The following SCAI variants were observed in gnomAD, a reference collection of about 807,000 sequenced individuals.
SCAI encodes the protein suppressor of cancer cell invasion.
A neutral mutation model predicts 92.2 loss-of-function variants in SCAI; 24 were observed. That is an observed-to-expected ratio of 0.26 (90% CI 0.19 to 0.37). The LOEUF is 0.37. Among genes scored for constraint, SCAI ranks in the 10% least tolerant of loss-of-function variants. The pLI, the probability that SCAI is intolerant of heterozygous loss-of-function variation, is 1.00. For missense variants in SCAI, 450 were observed against 736.2 expected (o/e 0.61, Z 4.50); for synonymous variants, 261 against 258.6 (o/e 1.01, Z -0.09).
At chr9:125,002,821 A>C (rs577854013) in intron 11 of SCAI, among the ~76,000 whole-genome samples, 23 of 152,104 alleles carry the variant, frequency 1.5e-4, no homozygotes, top group African/African-American at 3.9e-4. Context: ...TTGAGTAATA[A>C]AAAACTGGAG....
At position 124,944,463 on chromosome 9, in the gene SCAI, CTAA is replaced by C. The variant is rs1369788319; in HGVS notation, c.*8341_*8343del. Reference sequence around the variant, plus strand: ...TACAGGCGCACACCACCATGCCTGGCTAATTTTTTTTTTTTTTTTTTTTTTTTT... The same window carrying C: ...TACAGGCGCACACCACCATGCCTGGCTTTTTTTTTTTTTTTTTTTTTTTTT... On this transcript the variant is annotated 3_prime_UTR_variant, in exon 18 of 18. Coordinates refer to ENST00000336505, the MANE Select transcript of SCAI (RefSeq NM_001144877.3). 1 of 112,160 alleles carries C rather than the reference CTAA, an allele frequency of 8.9e-6. No homozygotes were observed. Among genetic ancestry groups the C allele is most frequent in the Admixed American group, 1.0e-4 (1 of 9,616 alleles). 6.9% of individuals were successfully genotyped at this position (112,160 alleles called of 1,614,324 possible). A position where few individuals can be genotyped will look rare whatever the true frequency, so the allele number is the denominator to read the frequency against.
chr9:125,100,864 G>A lies in SCAI; in HGVS notation c.98+41769C>T, dbSNP rs543196439. 4.6e-5 allele frequency among the ~76,000 whole-genome samples: 7 copies of A among 152,290 alleles called. No homozygotes were observed. The South Asian group carries it at 8.3e-4, about 18-fold the overall frequency. Reference sequence around the variant, plus strand: ...AGAAAATTATTCTAGGCAGAGAAAAGAGCAAGTGCACAGGCCCCGAGTTAG... The same window carrying A: ...AGAAAATTATTCTAGGCAGAGAAAAAAGCAAGTGCACAGGCCCCGAGTTAG... On this transcript the variant is annotated intron_variant, in intron 2 of 17. Coordinates refer to ENST00000336505, the MANE Select transcript of SCAI (RefSeq NM_001144877.3).
At chr9:125,118,286 G>A (rs911585523) in intron 2 of SCAI, among the ~76,000 whole-genome samples, 1 of 152,082 alleles carries the variant, frequency 6.6e-6, no homozygotes, top group African/African-American at 2.4e-5. Context: ...GGCCAGCACA[G>A]GAGGATCATT....
At chr9:125,004,755 ATATATATATATATATATATATATATTTTT>A (rs1353909145) in intron 9 of SCAI, among the ~76,000 whole-genome samples, 557 of 8,538 alleles carry the variant, frequency 0.065, 31 homozygotes, top group Admixed American at 0.31. Flanking sequence ...ATATATATAT[ATATATATATATATATATATATATATTTTT>A]TTTTTTTTTT....
intron 17 of SCAI, chr9:124,968,661 G>C (rs1264882258): frequency 8.3e-7 from 1 of 1,198,950 alleles, no homozygotes; most frequent in African/African-American, 1.5e-5. Context: ...CTCATCTACA[G>C]AGCCTGGGTG....
At chr9:125,054,329 T>G (rs1019682596) in intron 3 of SCAI, among the ~76,000 whole-genome samples, 1 of 152,206 alleles carries the variant, frequency 6.6e-6, no homozygotes, top group Non-Finnish European at 1.5e-5. Context: ...TGTGTTCCTA[T>G]CTGTGAAATA....
At chr9:125,133,461 T>TAAG (rs921581235) in intron 2 of SCAI, among the ~76,000 whole-genome samples, 1 of 152,202 alleles carries the variant, frequency 6.6e-6, no homozygotes, top group Non-Finnish European at 1.5e-5. Flanking sequence ...TACAACTATG[T>TAAG]AAGAAGACAA....
At chr9:124,974,085 C>A (rs1007767669) in intron 15 of SCAI, 1 of 272,946 alleles carries the variant, frequency 3.7e-6, no homozygotes, top group African/African-American at 2.3e-5. Flanking sequence ...CCATCAGGCT[C>A]TGTCTATCTG....
At chr9:125,019,041 A>G in intron 8 of SCAI, 66 bp downstream of exon 8, 9 of 1,525,240 alleles carry the variant, frequency 5.9e-6, no homozygotes, top group Non-Finnish European at 8.1e-6. Context: ...TATACACACA[A>G]TAAAAACATA....
intron 17 of SCAI, chr9:124,971,164 A>G (rs992905571): frequency 1.1e-4 from 37 of 336,008 alleles, no homozygotes; most frequent in Admixed American, 4.6e-5. Flanking sequence ...ATGTGCCTTA[A>G]TATTGTTAAT....
intron 2 of SCAI, among the ~76,000 whole-genome samples, chr9:125,081,943 G>A (rs577032913): frequency 6.6e-6 from 1 of 152,318 alleles, no homozygotes; most frequent in South Asian, 2.1e-4. Context: ...GTGACAGAGA[G>A]GAGAAACCCA....
chr9:125,055,396 C>A (rs1296100400), intron 3 of SCAI, among the ~76,000 whole-genome samples: 1 of 152,012 alleles, frequency 6.6e-6, no homozygotes, highest in Non-Finnish European at 1.5e-5. Flanking sequence ...TTCCACCCAC[C>A]CCCCACCATC....
At chr9:125,116,557 A>G (rs1276394521) in intron 2 of SCAI, among the ~76,000 whole-genome samples, 1 of 152,168 alleles carries the variant, frequency 6.6e-6, no homozygotes, top group Admixed American at 6.5e-5. Context: ...ATTTTTTATT[A>G]CAAGTAAAAT....
At chr9:125,006,097 C>A (rs1181058227) in intron 9 of SCAI, among the ~76,000 whole-genome samples, 2 of 152,154 alleles carry the variant, frequency 1.3e-5, no homozygotes, top group Non-Finnish European at 2.9e-5. Context: ...CAATTCAGGT[C>A]TTACAGAATT....
intron 17 of SCAI, among the ~76,000 whole-genome samples, chr9:124,960,120 T>A (rs958768055): frequency 6.6e-6 from 1 of 152,150 alleles, no homozygotes; most frequent in African/African-American, 2.4e-5. Context: ...CAATTTCTTA[T>A]AAAACTAAAC....
intron 3 of SCAI, among the ~76,000 whole-genome samples, chr9:125,047,561 G>A (rs374490036): frequency 3.4e-4 from 51 of 152,152 alleles, no homozygotes; most frequent in African/African-American, 1.2e-3. Flanking sequence ...AGGAGACAAA[G>A]AAAGCAAAAC....
At position 125,018,959 on chromosome 9, in the gene SCAI, A is replaced by G; in HGVS notation, c.709-8T>C. Reference sequence around the variant, plus strand: ...TACCATTACAGGATCCGCCTAAAGAAAAAAGCAATAAGAACTTAACGAATG... The same window carrying G: ...TACCATTACAGGATCCGCCTAAAGAGAAAAGCAATAAGAACTTAACGAATG... On this transcript the variant is annotated splice_region_variant and splice_polypyrimidine_tract_variant and intron_variant, in intron 8 of 17. Coordinates refer to ENST00000336505, the MANE Select transcript of SCAI (RefSeq NM_001144877.3). 1 of 1,610,914 alleles carries G rather than the reference A, an allele frequency of 6.2e-7. No individual in the cohort carries two copies. Among genetic ancestry groups the G allele is most frequent in the Non-Finnish European group, 8.5e-7 (1 of 1,179,072 alleles).
intron 2 of SCAI, among the ~76,000 whole-genome samples, chr9:125,061,585 G>A (rs995579944): frequency 2.6e-5 from 4 of 151,994 alleles, no homozygotes; most frequent in East Asian, 3.8e-4. Flanking sequence ...ACAGTGAAAC[G>A]CTGACTCTAC....
Position 125,062,444 on chromosome 9 carries a change from T to TAA in SCAI, c.99-6439_99-6438dup, listed in dbSNP as rs77722544. On this transcript the variant is annotated intron_variant, in intron 2 of 17. Transcript: ENST00000336505. Reference sequence around the variant, plus strand: ...CCCAGCCTAGTCTCTATATTAAAATTAAAAAAAAAAAAAAAAGAAAAGCAG... The same window carrying TAA: ...CCCAGCCTAGTCTCTATATTAAAATTAAAAAAAAAAAAAAAAAAGAAAAGCAG... Among the ~76,000 whole-genome samples, 74 of 123,662 alleles carry TAA rather than the reference T, an allele frequency of 6.0e-4. 1 individual carries two copies. In the East Asian group the frequency reaches 0.014, roughly 24 times the overall value. 81.1% of individuals were successfully genotyped at this position (123,662 alleles called of 152,430 possible). A position where few individuals can be genotyped will look rare whatever the true frequency, so the allele number is the denominator to read the frequency against.
Sources: gnomAD v4.1 joint callset for allele counts (sites outside exome capture counted in the v4.1 genomes callset) on GRCh38, gnomAD v4.1.1 for gene constraint, MANE v1.5 for transcripts, NCBI Gene and HGNC (gene_info 2026-07-23, HGNC 2026-07-21) for gene names.